SYNCRIP: variants seen among roughly 807,000 people sequenced by gnomAD.
SYNCRIP encodes synaptotagmin binding cytoplasmic RNA interacting protein.
A neutral mutation model predicts 68.9 loss-of-function variants in SYNCRIP; 9 were observed. That is an observed-to-expected ratio of 0.13 (90% CI 0.08 to 0.23). The LOEUF (loss-of-function observed/expected upper bound fraction) is 0.23. Among genes scored for constraint, SYNCRIP ranks in the 10% least tolerant of loss-of-function variants. The probability of loss-of-function intolerance (pLI) is 1.00; values close to 1 mark genes in which losing one functional copy is unlikely to be tolerated. For missense variants in SYNCRIP, 414 were observed against 770.6 expected (o/e 0.54, Z 5.48); for synonymous variants, 258 against 254.0 (o/e 1.02, Z -0.15).
rs1297177360 is a variant in SYNCRIP, at chr6:85,623,990, A to G, written c.789T>C (p.Phe263=). The G allele has an allele frequency of 3.1e-6, 5 of 1,613,730 alleles. No individual in the cohort carries two copies. Among genetic ancestry groups the G allele is most frequent in the Non-Finnish European group, 4.2e-6 (5 of 1,179,892 alleles). Residue 263 remains phenylalanine (F), a synonymous_variant, in exon 7 of 11, where the codon TTT becomes TTC. Transcript: ENST00000369622. ...SKTKEQILEE[F]SKVTEGLTDV... ...AATCCAACTTACCTGTTACTTTGCT[A>G]AATTCTTCAAGAATCTGTTCCTTGG...
chr6:85,643,776 CCCGGCT>C (rs1394710565), upstream of SYNCRIP: 1 of 152,184 alleles, frequency 6.6e-6, no homozygotes, highest in Non-Finnish European at 1.5e-5. Context: ...GGCCCCCGCC[CCCGGCT>C]CCGCGGCCGC....
intron 6 of SYNCRIP, among the ~76,000 whole-genome samples, chr6:85,630,456 T>G (rs1286495401): frequency 6.6e-6 from 1 of 152,242 alleles, no homozygotes; most frequent in Non-Finnish European, 1.5e-5. Flanking sequence ...TTCATCAGGA[T>G]ATTTCCGTTA....
chr6:85,642,872 G>A lies in SYNCRIP; in HGVS notation c.-88C>T, dbSNP rs961015896. The A allele has an allele frequency of 1.3e-5, 2 of 152,662 alleles. No homozygotes were observed. Among genetic ancestry groups the A allele is most frequent in the South Asian group, 2.1e-4 (1 of 4,848 alleles). 9.5% of individuals were successfully genotyped at this position (152,662 alleles called of 1,614,324 possible). ...GGGAAACGCGTGCTCGCTGCTCCCT[G>A]TGTCCGGCGCGAGTGGAGCTGTTGT... On this transcript the variant is annotated 5_prime_UTR_variant, in exon 1 of 11. Transcript: ENST00000369622.
chr6:85,642,136 C>A (rs986574962), intron 1 of SYNCRIP, among the ~76,000 whole-genome samples: 1 of 152,200 alleles, frequency 6.6e-6, no homozygotes, highest in Non-Finnish European at 1.5e-5. Context: ...GTCGGAGCCC[C>A]CAGAAAGCTG....
At chr6:85,618,552 CAAAAA>C (rs926108782) in intron 10 of SYNCRIP, among the ~76,000 whole-genome samples, 3 of 150,044 alleles carry the variant, frequency 2.0e-5, no homozygotes, top group Non-Finnish European at 4.5e-5. Context: ...CAATACAAAA[CAAAAA>C]AAAAGCTAGA....
intron 10 of SYNCRIP, among the ~76,000 whole-genome samples, chr6:85,618,460 G>C (rs1275671452): frequency 6.6e-6 from 1 of 151,982 alleles, no homozygotes; most frequent in African/African-American, 2.4e-5. Flanking sequence ...AGAATCTCTT[G>C]AACCCGGGAG....
chr6:85,636,402 T>C (rs1035900707), intron 6 of SYNCRIP, among the ~76,000 whole-genome samples: 1 of 151,134 alleles, frequency 6.6e-6, no homozygotes, highest in East Asian at 1.9e-4. Context: ...GCCGAAATCA[T>C]GCCACTTCAG....
exon 12 of SYNCRIP, chr6:85,608,636 GAACT>G (rs1322766791): frequency 6.6e-6 from 1 of 151,948 alleles, no homozygotes; most frequent in African/African-American, 2.4e-5. Context: ...TAAGCTAACA[GAACT>G]AATTTTTTTA....
At chr6:85,612,117 T>TA (rs1805299499), downstream of SYNCRIP, 1 of 152,162 alleles carries the variant, frequency 6.6e-6, no homozygotes, top group Non-Finnish European at 1.5e-5. Flanking sequence ...GAGGAAGTCT[T>TA]ACAAGCCTCT....
Position 85,640,435 on chromosome 6 carries a change from A to G in SYNCRIP, c.267+11T>C. The G allele has an allele frequency of 6.3e-7, 1 of 1,594,872 alleles. No individual in the cohort carries two copies. The highest frequency in any genetic ancestry group is 8.6e-7 in the Non-Finnish European group (1 of 1,169,064). The stretch of plus-strand genomic sequence containing the variant: ...CAAATTTTTTAATTTTCACATTGAC[A>G]TTAACATTACCTGAACATGAGAGAG... On this transcript the variant is annotated intron_variant, in intron 3 of 10. Transcript: ENST00000369622.
At chr6:85,631,140 C>T (rs1208444026) in intron 6 of SYNCRIP, among the ~76,000 whole-genome samples, 2 of 151,972 alleles carry the variant, frequency 1.3e-5, no homozygotes, top group African/African-American at 4.8e-5. Flanking sequence ...GTCAGGAGTT[C>T]GAGACCAGCC....
chr6:85,641,621 G>A (rs903088563), intron 1 of SYNCRIP, among the ~76,000 whole-genome samples, 170 bp from the exon 2 acceptor site: 1 of 152,146 alleles, frequency 6.6e-6, no homozygotes, highest in Non-Finnish European at 1.5e-5. Flanking sequence ...TTGGAGCACA[G>A]GGCACAGAAG....
rs954731886 is a variant in SYNCRIP at position 85,614,674 on chromosome 6, A to T, written c.*82T>A. ...AAGGGAAATCTTGCCAGATGTCACA[A>T]ATTATAGCGGCACCCGTTCAGATTT... On this transcript the variant is annotated 3_prime_UTR_variant, in exon 11 of 11. Transcript: ENST00000369622. 1.3e-5 allele frequency: 19 copies of T among 1,462,088 alleles called. No individual in the cohort carries two copies. Among genetic ancestry groups the T allele is most frequent in the Non-Finnish European group, 1.6e-5 (18 of 1,106,632 alleles). 90.6% of individuals were successfully genotyped at this position (1,462,088 alleles called of 1,614,324 possible). A position where few individuals can be genotyped will look rare whatever the true frequency, so the allele number is the denominator to read the frequency against.
At chr6:85,620,735 T>C (rs1442030294) in intron 8 of SYNCRIP, among the ~76,000 whole-genome samples, 1 of 152,200 alleles carries the variant, frequency 6.6e-6, no homozygotes, top group Non-Finnish European at 1.5e-5. Flanking sequence ...TGTGCCTGTG[T>C]AGGGGGCAGA....
chr6:85,634,763 T>C (rs1431338541), intron 6 of SYNCRIP, among the ~76,000 whole-genome samples: 1 of 152,204 alleles, frequency 6.6e-6, no homozygotes, highest in African/African-American at 2.4e-5. Context: ...TTGGCAAAAA[T>C]ATTCTACTCT....
At chr6:85,628,056 T>C (rs1445852765) in intron 6 of SYNCRIP, among the ~76,000 whole-genome samples, 2 of 152,018 alleles carry the variant, frequency 1.3e-5, no homozygotes, top group Non-Finnish European at 2.9e-5. Context: ...ATTGAAGATT[T>C]CTTTTTTTTT....
intron 6 of SYNCRIP, among the ~76,000 whole-genome samples, chr6:85,628,681 G>T (rs963198328): frequency 6.6e-6 from 1 of 152,154 alleles, no homozygotes; most frequent in East Asian, 1.9e-4. Flanking sequence ...TATTGTCTGT[G>T]TTACCCTAGG....
intron 2 of SYNCRIP, among the ~76,000 whole-genome samples, chr6:85,640,766 A>T (rs1212227485): frequency 2.0e-5 from 3 of 152,058 alleles, no homozygotes; most frequent in Non-Finnish European, 4.4e-5. Context: ...ACTTACAATA[A>T]TCAGCTAACT....
At chr6:85,624,967 G>A (rs1203305889) in intron 6 of SYNCRIP, among the ~76,000 whole-genome samples, 2 of 152,082 alleles carry the variant, frequency 1.3e-5, no homozygotes, top group African/African-American at 4.8e-5. Flanking sequence ...TTCTACACGT[G>A]GAGCTACACA....
Sources: gnomAD v4.1 joint callset for allele counts (sites outside exome capture counted in the v4.1 genomes callset) on GRCh38, gnomAD v4.1.1 for gene constraint, MANE v1.5 for transcripts, NCBI Gene and HGNC (gene_info 2026-07-23, HGNC 2026-07-21) for gene names.